IDE: variants seen among roughly 807,000 people sequenced by gnomAD.
IDE encodes insulin-degrading enzyme.
IDE carries 58 observed loss-of-function variants against 133.2 expected under a neutral mutation model. That is an observed-to-expected ratio of 0.44 (90% CI 0.35 to 0.54). The LOEUF (loss-of-function observed/expected upper bound fraction) is 0.54. Ranked by LOEUF, IDE falls within the 20% of genes least tolerant of loss-of-function variation. IDE has a pLI of 0.00. For synonymous variants in IDE, 396 were observed against 421.3 expected, an observed-to-expected ratio of 0.94 and a Z score of 0.73; for missense variants, 981 against 1,234.0, an observed-to-expected ratio of 0.79 and a Z score of 3.07.
At chr10:92,497,101 A>G (rs1437800446) in intron 11 of IDE, among the ~76,000 whole-genome samples, 1 of 152,250 alleles carries the variant, frequency 6.6e-6, no homozygotes, top group Non-Finnish European at 1.5e-5. Flanking sequence ...TAGGACTTTC[A>G]TGGACTAATT....
chr10:92,498,782 A>C (rs1847858914), intron 11 of IDE, among the ~76,000 whole-genome samples: 1 of 151,372 alleles, frequency 6.6e-6, no homozygotes, highest in South Asian at 2.1e-4. Context: ...AAAATTAGTC[A>C]GGCATGGTGG....
chr10:92,459,562 A>T (rs1242828268), intron 22 of IDE, among the ~76,000 whole-genome samples: 4 of 152,210 alleles, frequency 2.6e-5, no homozygotes, highest in Non-Finnish European at 5.9e-5. Flanking sequence ...ATTAAGGGAC[A>T]ATTCTAAGGT....
At chr10:92,564,071 C>A (rs1243547521) in intron 1 of IDE, among the ~76,000 whole-genome samples, 1 of 151,328 alleles carries the variant, frequency 6.6e-6, no homozygotes, top group Non-Finnish European at 1.5e-5. Context: ...CAGATCTATA[C>A]TTTTCTGTTT....
chr10:92,507,108 CAA>C (rs11296200), intron 9 of IDE, among the ~76,000 whole-genome samples: 1 of 147,394 alleles, frequency 6.8e-6, no homozygotes, highest in East Asian at 1.9e-4. Flanking sequence ...TTGTTTTACG[CAA>C]AAAAAAAAGC....
At position 92,531,736 on chromosome 10, in the gene IDE, C is replaced by G. The variant is rs1469080217; in HGVS notation, c.661+12G>C. The G allele has an allele frequency of 6.4e-7, 1 of 1,551,446 alleles. No homozygotes were observed. Among genetic ancestry groups the G allele is most frequent in the Non-Finnish European group, 8.8e-7 (1 of 1,142,812 alleles). Reference sequence around the variant, plus strand: ...GTTTAAATGAGGTCAAGGAAAGCAGCTGTTGACAAACCTGTCCCAAATTTA... The same window carrying G: ...GTTTAAATGAGGTCAAGGAAAGCAGGTGTTGACAAACCTGTCCCAAATTTA... On this transcript the variant is annotated intron_variant, in intron 4 of 24. Transcript: ENST00000265986.
intron 4 of IDE, among the ~76,000 whole-genome samples, chr10:92,515,413 C>A (rs1848854678): frequency 1.3e-5 from 2 of 150,924 alleles, no homozygotes; most frequent in African/African-American, 4.9e-5. Flanking sequence ...GCGCCCACCA[C>A]GACACCTGGC....
chr10:92,483,956 C>T (rs1846784112), intron 13 of IDE, among the ~76,000 whole-genome samples: 1 of 152,192 alleles, frequency 6.6e-6, no homozygotes, highest in Non-Finnish European at 1.5e-5. Context: ...AAAATTAAGG[C>T]TGGCCAACAA....
chr10:92,540,242 C>T (rs1422598664), intron 1 of IDE, among the ~76,000 whole-genome samples: 1 of 147,442 alleles, frequency 6.8e-6, no homozygotes, highest in African/African-American at 2.5e-5. Context: ...GAGACTCCGT[C>T]TCAAAAGAAA....
At chr10:92,492,418 T>C (rs1046933230) in intron 11 of IDE, among the ~76,000 whole-genome samples, 1 of 152,134 alleles carries the variant, frequency 6.6e-6, no homozygotes, top group Non-Finnish European at 1.5e-5. Flanking sequence ...TCAGGGACAC[T>C]CCGCCTCTAC....
At chr10:92,460,744 A>G (rs1442892052) in intron 22 of IDE, among the ~76,000 whole-genome samples, 1 of 152,252 alleles carries the variant, frequency 6.6e-6, no homozygotes, top group African/African-American at 2.4e-5. Flanking sequence ...AAAAGTCATT[A>G]AGCGTTTGTG....
At chr10:92,545,055 T>C (rs1319490207) in intron 1 of IDE, among the ~76,000 whole-genome samples, 1 of 152,202 alleles carries the variant, frequency 6.6e-6, no homozygotes, top group Non-Finnish European at 1.5e-5. Flanking sequence ...ACGTATTTTT[T>C]TAAAGTCAGC....
chr10:92,490,901 A>G (rs1187440431), intron 11 of IDE, among the ~76,000 whole-genome samples: 1 of 152,202 alleles, frequency 6.6e-6, no homozygotes, highest in Non-Finnish European at 1.5e-5. Context: ...AAAAAATGTA[A>G]CAAGGTCAGT....
chr10:92,486,894 G>A (rs980156283), intron 13 of IDE, among the ~76,000 whole-genome samples: 1 of 152,220 alleles, frequency 6.6e-6, no homozygotes, highest in African/African-American at 2.4e-5. Flanking sequence ...TGGGTCTTCA[G>A]CAGACATGGA....
chr10:92,538,742 T>C (rs1365432656), intron 1 of IDE, among the ~76,000 whole-genome samples: 1 of 149,726 alleles, frequency 6.7e-6, no homozygotes, highest in East Asian at 2.0e-4. Context: ...GTAGGGTAGA[T>C]GTAACTTTTG....
chr10:92,465,936 AT>A, intron 19 of IDE, 93 bp from the exon 20 acceptor site: 1 of 1,044,742 alleles, frequency 9.6e-7, no homozygotes, highest in Non-Finnish European at 1.5e-6. Context: ...ACAGATGATA[AT>A]TTAGACATTA....
chr10:92,537,244 T>C, intron 2 of IDE, 122 bp downstream of exon 2: 3 of 661,084 alleles, frequency 4.5e-6, no homozygotes, highest in South Asian at 5.6e-5. Context: ...GGTTCTGGTA[T>C]AAAATAAGGT....
chr10:92,515,890 G>C (rs1480793960), intron 4 of IDE, among the ~76,000 whole-genome samples: 1 of 150,198 alleles, frequency 6.7e-6, no homozygotes, highest in African/African-American at 2.4e-5. Flanking sequence ...TATACTTTTG[G>C]CCGGGTGCAT....
At chr10:92,498,590 T>C (rs1351619422) in intron 11 of IDE, among the ~76,000 whole-genome samples, 2 of 152,086 alleles carry the variant, frequency 1.3e-5, no homozygotes, top group African/African-American at 4.8e-5. Flanking sequence ...ACCCCATCTC[T>C]ACTAAAAATA....
chr10:92,474,967 G>T lies in IDE; in HGVS notation c.1996-6C>A. 6.3e-7 allele frequency: 1 copy of T among 1,592,092 alleles called. No individual in the cohort carries two copies. Among genetic ancestry groups the T allele is most frequent in the Non-Finnish European group, 8.5e-7 (1 of 1,171,834 alleles). ...TTGTTAAGAGATCGCATATACTAGT[G>T]AAAGAGACATGCGTTCATTAATTTT... On this transcript the variant is annotated splice_region_variant and splice_polypyrimidine_tract_variant and intron_variant, in intron 16 of 24. Coordinates refer to ENST00000265986, the MANE Select transcript of IDE (RefSeq NM_004969.4).
Sources: gnomAD v4.1 joint callset for allele counts (sites outside exome capture counted in the v4.1 genomes callset) on GRCh38, gnomAD v4.1.1 for gene constraint, MANE v1.5 for transcripts, NCBI Gene and HGNC (gene_info 2026-07-23, HGNC 2026-07-21) for gene names.